SHISA9: variants seen among roughly 807,000 people sequenced by gnomAD.
SHISA9 encodes the protein shisa family member 9.
A neutral mutation model predicts 38.0 loss-of-function variants in SHISA9; 13 were observed. That is an observed-to-expected ratio of 0.34 (90% confidence interval 0.22 to 0.54). SHISA9 has a LOEUF of 0.54. SHISA9 is among the 20% of genes least tolerant of loss of function. The pLI is 0.91. For synonymous variants in SHISA9, 275 were observed against 242.0 expected (o/e 1.14, Z -1.27); for missense variants, 538 against 575.8 (o/e 0.93, Z 0.67).
At chr16:12,939,961 T>C (rs1289856552) in intron 2 of SHISA9, among the ~76,000 whole-genome samples, 1 of 152,238 alleles carries the variant, frequency 6.6e-6, no homozygotes, top group Non-Finnish European at 1.5e-5. Flanking sequence ...TCAGTGGTCC[T>C]GAGGCCATAT....
At chr16:12,919,815 A>G (rs190408033) in intron 2 of SHISA9, among the ~76,000 whole-genome samples, 4 of 152,186 alleles carry the variant, frequency 2.6e-5, no homozygotes, top group Admixed American at 2.6e-4. Context: ...TTGCCTAAAA[A>G]TATTTAGTCT....
chr16:12,956,860 TA>T (rs2071842536), intron 2 of SHISA9, among the ~76,000 whole-genome samples: 1 of 152,004 alleles, frequency 6.6e-6, no homozygotes, highest in African/African-American at 2.4e-5. Flanking sequence ...AATCTAAAGT[TA>T]AAAAAATGTG....
intron 2 of SHISA9, among the ~76,000 whole-genome samples, chr16:13,085,709 TA>T (rs984313209): frequency 1.3e-5 from 2 of 152,168 alleles, no homozygotes; most frequent in African/African-American, 4.8e-5. Context: ...AATCTAGGGC[TA>T]AAAAAACACC....
intron 2 of SHISA9, among the ~76,000 whole-genome samples, chr16:13,063,033 G>A (rs1206548228): frequency 6.6e-6 from 1 of 151,902 alleles, no homozygotes; most frequent in Non-Finnish European, 1.5e-5. Context: ...TTGAGACGGA[G>A]TCTTGCTCTG....
rs117094102 is a variant in SHISA9 at position 13,142,804 on chromosome 16, G to C, written c.692-60590G>C. On this transcript the variant is annotated intron_variant, in intron 2 of 4. Transcript: ENST00000558583. ...TGTTGAACACACTGAAAGCACATTA[G>C]CACACTGGCTAGGGATTTATTTTTA... is the stretch of plus-strand genomic sequence containing the variant. Among the ~76,000 whole-genome samples, 992 of 152,130 alleles carry C rather than the reference G, an allele frequency of 6.5e-3. 2 individuals are homozygous for C. The highest frequency in any genetic ancestry group is 0.01 in the Non-Finnish European group (691 of 67,990).
At chr16:13,060,705 T>C (rs2073365239) in intron 2 of SHISA9, among the ~76,000 whole-genome samples, 1 of 148,688 alleles carries the variant, frequency 6.7e-6, no homozygotes, top group South Asian at 2.1e-4. Context: ...ATGATGTGGG[T>C]TCAAACACAG....
At chr16:13,058,673 AG>A (rs2073338068) in intron 2 of SHISA9, among the ~76,000 whole-genome samples, 1 of 152,114 alleles carries the variant, frequency 6.6e-6, no homozygotes, top group Non-Finnish European at 1.5e-5. Context: ...GAGGAGAGGT[AG>A]TTGAAAGCTT....
intron 2 of SHISA9, among the ~76,000 whole-genome samples, chr16:13,112,669 T>A (rs893473159): frequency 6.6e-6 from 1 of 152,032 alleles, no homozygotes; most frequent in Non-Finnish European, 1.5e-5. Context: ...GTCAAGGGGT[T>A]CTTCTGGTTT....
chr16:13,549,895 C>CGGGT, the SHISA9 span, among the ~76,000 whole-genome samples: 1 of 151,864 alleles, frequency 6.6e-6, no homozygotes, highest in African/African-American at 2.4e-5. Context: ...TGGTCGTAAG[C>CGGGT]GCCTGTAATC....
the SHISA9 span, among the ~76,000 whole-genome samples, chr16:13,374,230 A>G: frequency 2.0e-5 from 3 of 150,848 alleles, no homozygotes; most frequent in African/African-American, 4.9e-5. Flanking sequence ...GGTTTGTTAC[A>G]TATGTATACA....
At chr16:13,120,198 T>A (rs961731843) in intron 2 of SHISA9, among the ~76,000 whole-genome samples, 7 of 152,228 alleles carry the variant, frequency 4.6e-5, no homozygotes, top group African/African-American at 1.7e-4. Context: ...ATATTTCTTA[T>A]CTTTGGCCAA....
the SHISA9 span, among the ~76,000 whole-genome samples, chr16:13,532,658 G>C: frequency 6.6e-6 from 1 of 152,082 alleles, no homozygotes. Context: ...AGTTGGGAAA[G>C]TGTCCCCCTT....
chr16:13,433,743 G>A, the SHISA9 span, among the ~76,000 whole-genome samples: 41,088 of 152,120 alleles, frequency 0.27, 6,678 homozygotes, highest in South Asian at 0.5. Flanking sequence ...CATAGAAGAG[G>A]TAGCATTGGA....
intron 2 of SHISA9, among the ~76,000 whole-genome samples, chr16:13,150,607 A>G (rs552803074): frequency 6.6e-6 from 1 of 152,182 alleles, no homozygotes; most frequent in African/African-American, 2.4e-5. Context: ...AATTGTTGAG[A>G]TGCAGAATTT....
the SHISA9 span, among the ~76,000 whole-genome samples, chr16:13,339,074 A>C: frequency 6.6e-6 from 1 of 151,210 alleles, no homozygotes; most frequent in Non-Finnish European, 1.5e-5. Context: ...ATTTATGGGG[A>C]TTGTCAGTTA....
intron 2 of SHISA9, among the ~76,000 whole-genome samples, chr16:13,105,475 A>T (rs910955081): frequency 6.6e-6 from 1 of 152,034 alleles, no homozygotes; most frequent in South Asian, 2.1e-4. Context: ...TATTTTTGCA[A>T]TGCTTCTCAT....
the SHISA9 span, among the ~76,000 whole-genome samples, chr16:13,358,744 T>C: frequency 1.3e-5 from 2 of 152,218 alleles, no homozygotes; most frequent in Non-Finnish European, 2.9e-5. Context: ...CATAAGACTG[T>C]TGACAGTTAT....
At chr16:13,489,277 T>G in the SHISA9 span, among the ~76,000 whole-genome samples, 1 of 152,172 alleles carries the variant, frequency 6.6e-6, no homozygotes, top group East Asian at 1.9e-4. Context: ...CTTGAATTCC[T>G]GACCTCAGGT....
intron 1 of SHISA9, chr16:12,911,192 C>A: frequency 7.4e-6 from 7 of 941,474 alleles, no homozygotes; most frequent in Non-Finnish European, 8.9e-6. Context: ...ATCTCAGGCC[C>A]CACCTCCTGC....
Sources: allele counts gnomAD v4.1 joint callset (sites outside exome capture counted in the v4.1 genomes callset), GRCh38; gene constraint gnomAD v4.1.1; transcripts MANE v1.5; gene names NCBI Gene and HGNC (gene_info 2026-07-23, HGNC 2026-07-21).